Variants in PKD1L1 observed in about 807,000 individuals in gnomAD.
The protein encoded by PKD1L1 is polycystin 1 like 1, transient receptor potential channel interacting.
PKD1L1 carries 236 observed loss-of-function variants against 323.4 expected under a neutral mutation model. That is an observed-to-expected ratio of 0.73 (90% confidence interval 0.66 to 0.81). The LOEUF (loss-of-function observed/expected upper bound fraction) is 0.81, where lower values mean the gene tolerates loss of function less well. Ranked by LOEUF, PKD1L1 falls within the 40% of genes least tolerant of loss-of-function variation. The pLI, the probability that PKD1L1 is intolerant of heterozygous loss-of-function variation, is 0.00. For synonymous variants in PKD1L1, 1,344 were observed against 1,335.0 expected (o/e 1.01, Z -0.15); for missense variants, 3,320 against 3,508.0 (o/e 0.95, Z 1.35).
rs375091152 is a variant in PKD1L1, at chr7:47,948,455, G to A, written c.-15C>T. 4.2e-5 allele frequency: 67 copies of A among 1,613,738 alleles called. No homozygotes were observed. The highest frequency in any genetic ancestry group is 5.3e-5 in the Non-Finnish European group (63 of 1,179,950). On this transcript the variant is annotated 5_prime_UTR_variant, in exon 1 of 57. Coordinates refer to ENST00000289672, the MANE Select transcript of PKD1L1 (RefSeq NM_138295.5). ...TCCTCGGCCATGTCCTGTGCAAGCT[G>A]GTCACAAGTATGACAGTCAGCAGAC...
At chr7:47,912,815 CAAAAAAAAAA>C (rs59792729) in intron 8 of PKD1L1, among the ~76,000 whole-genome samples, 1 of 63,636 alleles carries the variant, frequency 1.6e-5, no homozygotes, top group Admixed American at 2.1e-4. Flanking sequence ...GACTGTGTCT[CAAAAAAAAAA>C]AAAAAAAAAA....
intron 52 of PKD1L1, among the ~76,000 whole-genome samples, chr7:47,804,236 C>T (rs981708276): frequency 2.6e-5 from 4 of 152,136 alleles, no homozygotes; most frequent in African/African-American, 7.2e-5. Context: ...CAGGCAGGGC[C>T]GCACATGGTT....
chr7:47,813,681 A>C (rs1784952661), intron 48 of PKD1L1: 1 of 659,278 alleles, frequency 1.5e-6, no homozygotes, highest in Non-Finnish European at 2.8e-6. Context: ...GCCAGTCTCT[A>C]AGGCCAAAGA....
chr7:47,855,310 G>A, intron 28 of PKD1L1, 45 bp from the exon 29 acceptor site: 1 of 1,445,872 alleles, frequency 6.9e-7, no homozygotes, highest in Non-Finnish European at 9.6e-7. Flanking sequence ...AGCAAGCAAT[G>A]GACTTAAGTG....
chr7:47,906,653 A>G lies in PKD1L1; in HGVS notation c.1403-691T>C, dbSNP rs138671512. Among the ~76,000 whole-genome samples, 144 of 152,306 alleles carry G rather than the reference A, an allele frequency of 9.5e-4. 2 individuals carry two copies. Among genetic ancestry groups the G allele is most frequent in the African/African-American group, 3.3e-3 (137 of 41,568 alleles). ...AACTCATTTATCATAAAAGGGTATT[A>G]AGAAAGGAGGGTTATTTATTATTAC... On this transcript the variant is annotated intron_variant, in intron 9 of 56. Coordinates refer to ENST00000289672, the MANE Select transcript of PKD1L1 (RefSeq NM_138295.5).
In PKD1L1 at chr7:47,882,100, C is replaced by G. The variant is rs766922584; in HGVS notation, c.3266-15G>C. On this transcript the variant is annotated splice_polypyrimidine_tract_variant and intron_variant, in intron 19 of 56. Transcript: ENST00000289672. ...GGTGTCCTTAGCTAGGAAGATAAAC[C>G]AAGCCAATAGATGTTAAAGAAAAAA... is the stretch of plus-strand genomic sequence containing the variant. 13 of 1,611,692 alleles carry G rather than the reference C, an allele frequency of 8.1e-6. No individual in the cohort carries two copies. The South Asian group carries it at 1.1e-4, about 14-fold the overall frequency.
chr7:47,855,063 T>A, intron 29 of PKD1L1, 24 bp from the exon 30 acceptor site: 1 of 1,608,346 alleles, frequency 6.2e-7, no homozygotes. Flanking sequence ...GAAAACAAGT[T>A]AAGCAAAATT....
chr7:47,886,903 A>T (rs1583649439), intron 17 of PKD1L1, among the ~76,000 whole-genome samples: 1 of 152,326 alleles, frequency 6.6e-6, no homozygotes, highest in Middle Eastern at 3.4e-3. Context: ...TTTATGATAA[A>T]GGATGAATAG....
chr7:47,830,808 G>C (rs889214486), intron 42 of PKD1L1, among the ~76,000 whole-genome samples: 1 of 152,182 alleles, frequency 6.6e-6, no homozygotes, highest in African/African-American at 2.4e-5. Flanking sequence ...CAGAATCTGT[G>C]ACACATGCAT....
chr7:47,792,822 T>A, intron 55 of PKD1L1, 25 bp from the exon 56 acceptor site: 1 of 1,588,722 alleles, frequency 6.3e-7, no homozygotes, highest in Non-Finnish European at 8.6e-7. Context: ...ATTAGATTAG[T>A]AAATGCATTC....
intron 53 of PKD1L1, among the ~76,000 whole-genome samples, chr7:47,801,496 C>T (rs1784661232): frequency 1.3e-5 from 2 of 152,196 alleles, no homozygotes; most frequent in Non-Finnish European, 2.9e-5. Context: ...GCCTGGATGT[C>T]AGACCATCAG....
the PKD1L1 span, among the ~76,000 whole-genome samples, chr7:47,958,395 A>G: frequency 6.6e-6 from 1 of 152,368 alleles, no homozygotes; most frequent in African/African-American, 2.4e-5. Flanking sequence ...CACATGCAGA[A>G]GAATGAATTA....
chr7:47,933,437 G>A (rs6955251), intron 4 of PKD1L1, among the ~76,000 whole-genome samples: 34,282 of 151,944 alleles, frequency 0.23, 4,151 homozygotes, highest in East Asian at 0.39. Context: ...CCCATTCTGC[G>A]GTGCTCAACC....
chr7:47,809,844 G>A (rs536112349), intron 50 of PKD1L1: 8 of 317,718 alleles, frequency 2.5e-5, no homozygotes, highest in Admixed American at 1.4e-4. Context: ...GGGAAAGCAC[G>A]GAGTATGGGC....
chr7:47,803,088 G>C, intron 53 of PKD1L1, 122 bp downstream of exon 53: 2 of 1,220,742 alleles, frequency 1.6e-6, no homozygotes, highest in South Asian at 2.9e-5. Context: ...GGGATTAGAA[G>C]ACTGGAATTC....
At chr7:47,820,633 A>C (rs771611115) in intron 46 of PKD1L1, among the ~76,000 whole-genome samples, 1 of 152,170 alleles carries the variant, frequency 6.6e-6, no homozygotes, top group Non-Finnish European at 1.5e-5. Context: ...AGGCTGAGGC[A>C]GGAGAATCGC....
chr7:47,937,104 CGAG>C, intron 3 of PKD1L1, 146 bp from the exon 4 acceptor site: 1 of 629,732 alleles, frequency 1.6e-6, no homozygotes, highest in Non-Finnish European at 2.7e-6. Context: ...GAAGCAACAG[CGAG>C]GAAAGCAGAC....
rs1584967990 is a variant in PKD1L1, at chr7:47,821,082, A to G, written c.6959T>C (p.Phe2320Ser). Residue 2320 changes from phenylalanine to serine, a missense_variant, in exon 46 of 57, where the codon TTT (phenylalanine) becomes TCT (serine). Transcript: ENST00000289672. ...AGTTACCCAAACCTCCTACCTTGTA[A>G]ATTCTTTCCGGATAGCTTGATTGAG... ...YSLNQAIRKE[F>S]TRNARNCLGG... is the part of the protein sequence containing the mutation. 1 of 1,580,708 alleles carries G rather than the reference A, an allele frequency of 6.3e-7. No individual in the cohort carries two copies. The highest frequency in any genetic ancestry group is 1.1e-5 in the South Asian group (1 of 90,414).
chr7:47,957,861 A>T, the PKD1L1 span, among the ~76,000 whole-genome samples: 3 of 143,420 alleles, frequency 2.1e-5, no homozygotes, highest in Non-Finnish European at 4.6e-5. Context: ...AATTAAAAAA[A>T]AATATATATA....
Sources: gnomAD v4.1 joint callset for allele counts (sites outside exome capture counted in the v4.1 genomes callset) on GRCh38, gnomAD v4.1.1 for gene constraint, MANE v1.5 for transcripts, NCBI Gene and HGNC (gene_info 2026-07-23, HGNC 2026-07-21) for gene names.